The following CALCR variants were observed in gnomAD, a reference collection of about 807,000 sequenced individuals.
CALCR encodes calcitonin receptor.
In CALCR, 47 loss-of-function variants were observed where a neutral mutation model predicts 59.5. That is an observed-to-expected ratio of 0.79 (90% CI 0.63 to 1.01). The LOEUF (loss-of-function observed/expected upper bound fraction) is 1.01, where lower values mean the gene tolerates loss of function less well. Among genes scored for constraint, CALCR ranks in the 50% least tolerant of loss-of-function variants. The pLI is 0.00. For synonymous variants in CALCR, 213 were observed against 211.3 expected, an observed-to-expected ratio of 1.01 and a Z score of -0.07; for missense variants, 566 against 597.1, an observed-to-expected ratio of 0.95 and a Z score of 0.54.
At chr7:93,547,794 A>G (rs1301519281) in intron 2 of CALCR, among the ~76,000 whole-genome samples, 2 of 152,148 alleles carry the variant, frequency 1.3e-5, no homozygotes, top group Non-Finnish European at 2.9e-5. Context: ...CTGTTTCTGA[A>G]TTCACTTGAC....
intron 8 of CALCR, among the ~76,000 whole-genome samples, chr7:93,447,932 G>A (rs928451741): frequency 6.6e-6 from 1 of 151,968 alleles, no homozygotes; most frequent in Admixed American, 6.6e-5. Context: ...TGCAGATTTG[G>A]AATGTGGTTT....
chr7:93,505,900 C>T (rs1477774528), intron 2 of CALCR, among the ~76,000 whole-genome samples: 1 of 152,092 alleles, frequency 6.6e-6, no homozygotes, highest in Non-Finnish European at 1.5e-5. Flanking sequence ...GCCAGCTAGG[C>T]AAAGACTCTA....
At chr7:93,515,019 AAC>A (rs1246847390) in intron 2 of CALCR, among the ~76,000 whole-genome samples, 2 of 152,038 alleles carry the variant, frequency 1.3e-5, no homozygotes, top group Admixed American at 6.6e-5. Context: ...CCTTTCTAAA[AAC>A]ATTAACATGT....
intron 2 of CALCR, among the ~76,000 whole-genome samples, chr7:93,549,938 C>T (rs948440527): frequency 6.6e-6 from 1 of 152,170 alleles, no homozygotes; most frequent in African/African-American, 2.4e-5. Context: ...CTAAAAATCT[C>T]ATCTTCTGAA....
intron 12 of CALCR, 35 bp downstream of exon 12, chr7:93,435,917 C>T: frequency 8.6e-7 from 1 of 1,164,342 alleles, no homozygotes; most frequent in South Asian, 1.2e-5. Flanking sequence ...TGAATAAGCA[C>T]AGTAGTTGAA....
Position 93,425,267 on chromosome 7 carries a change from C to T in CALCR, c.*1089G>A, listed in dbSNP as rs1396893823. On this transcript the variant is annotated 3_prime_UTR_variant, in exon 14 of 14. Transcript: ENST00000426151. ...CTCCTGTTTTGGTAATAACAAGAAA[C>T]AAGCGGTCAACCACAAGTTGATTTC... The T allele has an allele frequency of 6.6e-6, 1 of 152,538 alleles. No homozygotes were observed. The highest frequency in any genetic ancestry group is 2.4e-5 in the African/African-American group (1 of 41,432). 9.4% of individuals were successfully genotyped at this position (152,538 alleles called of 1,614,324 possible).
At chr7:93,539,179 T>G (rs1056360781) in intron 2 of CALCR, among the ~76,000 whole-genome samples, 1 of 152,150 alleles carries the variant, frequency 6.6e-6, no homozygotes, top group Non-Finnish European at 1.5e-5. Context: ...GGGGTAAGGA[T>G]TTATGAAATC....
chr7:93,441,948 C>T (rs1006527615), intron 9 of CALCR, among the ~76,000 whole-genome samples: 8 of 152,104 alleles, frequency 5.3e-5, no homozygotes, highest in African/African-American at 1.9e-4. Flanking sequence ...TCCTGCTATT[C>T]AGAATTGGAA....
chr7:93,460,597 A>ATATATG (rs1554397849), intron 8 of CALCR, among the ~76,000 whole-genome samples: 7 of 133,760 alleles, frequency 5.2e-5, no homozygotes, highest in African/African-American at 2.1e-4. Context: ...ATATATGTAT[A>ATATATG]TATATATATA....
At chr7:93,549,618 C>T (rs1007964569) in intron 2 of CALCR, among the ~76,000 whole-genome samples, 1 of 152,068 alleles carries the variant, frequency 6.6e-6, no homozygotes, top group African/African-American at 2.4e-5. Context: ...AAAATGAAAA[C>T]ATCAAAGCAA....
chr7:93,427,535 C>A (rs908576188), intron 13 of CALCR, among the ~76,000 whole-genome samples: 2 of 152,142 alleles, frequency 1.3e-5, no homozygotes, highest in African/African-American at 2.4e-5. Flanking sequence ...GTTCATTCTG[C>A]TGCCAAACTC....
At chr7:93,515,981 TAAGA>T (rs78752559) in intron 2 of CALCR, among the ~76,000 whole-genome samples, 18,114 of 151,796 alleles carry the variant, frequency 0.12, 2,310 homozygotes, top group African/African-American at 0.3. Context: ...ATTAAAAATA[TAAGA>T]AAGCATTGAG....
At chr7:93,432,102 C>A (rs13232226) in intron 13 of CALCR, among the ~76,000 whole-genome samples, 4 of 151,962 alleles carry the variant, frequency 2.6e-5, no homozygotes, top group African/African-American at 7.3e-5. Flanking sequence ...CCCACTGACT[C>A]TCTATATAAT....
chr7:93,553,111 A>T lies in CALCR; in HGVS notation c.-27+21178T>A, dbSNP rs75985935. ...AAAGTTTTCAAATAAAATGACTTTT[A>T]TCCAATTATGGGTTATTTTAAAAAT... On this transcript the variant is annotated intron_variant, in intron 2 of 13. Transcript: ENST00000426151. Among the ~76,000 whole-genome samples, 596 of 152,316 alleles carry T rather than the reference A, an allele frequency of 3.9e-3. 3 individuals carry two copies. Among genetic ancestry groups the T allele is most frequent in the Admixed American group, 0.022 (329 of 15,292 alleles).
At chr7:93,432,782 A>T (rs1449830764) in intron 13 of CALCR, among the ~76,000 whole-genome samples, 2 of 152,170 alleles carry the variant, frequency 1.3e-5, no homozygotes, top group Non-Finnish European at 2.9e-5. Flanking sequence ...TATTTTAGAC[A>T]AAAAATTTAT....
rs533888835 is a variant in CALCR at position 93,497,485 on chromosome 7, C to G, written c.-26-10478G>C. On this transcript the variant is annotated intron_variant, in intron 2 of 13. Transcript: ENST00000426151. ...CTTTTACACTTAGTTTGTGGATGAG[C>G]AACTCAAAGCTCAAGGAGATTAGGA... 2.1e-3 allele frequency among the ~76,000 whole-genome samples: 318 copies of G among 151,666 alleles called. 1 individual carries two copies. The highest frequency in any genetic ancestry group is 3.1e-3 in the Non-Finnish European group (213 of 67,704).
rs1390344510 is a variant in CALCR at position 93,560,352 on chromosome 7, A to C, written c.-27+13937T>G. 2.0e-5 allele frequency among the ~76,000 whole-genome samples: 3 copies of C among 152,122 alleles called. No homozygotes were observed. The East Asian group carries it at 5.8e-4, about 29-fold the overall frequency. ...TCTCTAGGTAATTTAAACCAAAAAC[A>C]AAATAAACATAAATAAGCACACTGA... On this transcript the variant is annotated intron_variant, in intron 2 of 13. Coordinates refer to ENST00000426151, the MANE Select transcript of CALCR (RefSeq NM_001742.4).
chr7:93,513,229 A>T lies in CALCR; in HGVS notation c.-26-26222T>A, dbSNP rs558268336. Among the ~76,000 whole-genome samples the T allele has an allele frequency of 5.9e-5, 9 of 152,272 alleles. No individual in the cohort carries two copies. In the East Asian group the frequency reaches 1.7e-3, roughly 29 times the overall value. ...GGGTACCTATGAGTAATCTCAAATG[A>T]CAATTGGCAGCCCCAAATGTTCCAC... On this transcript the variant is annotated intron_variant, in intron 2 of 13. Transcript: ENST00000426151.
chr7:93,434,343 T>C (rs374877181), intron 12 of CALCR, 49 bp from the exon 13 acceptor site: 134 of 1,366,476 alleles, frequency 9.8e-5, no homozygotes, highest in Non-Finnish European at 1.4e-4. Context: ...GTGTGCATTA[T>C]GTTGTTTAGT....
Sources: allele counts gnomAD v4.1 joint callset (sites outside exome capture counted in the v4.1 genomes callset), GRCh38; gene constraint gnomAD v4.1.1; transcripts MANE v1.5; gene names NCBI Gene and HGNC (gene_info 2026-07-23, HGNC 2026-07-21).